PAX5: variants seen among roughly 807,000 people sequenced by gnomAD.
PAX5 encodes paired box 5, also known as paired box protein Pax-5.
In PAX5, 9 loss-of-function variants were observed where a neutral mutation model predicts 43.7. The observed-to-expected ratio is 0.21, with a 90% confidence interval of 0.12 to 0.36. The LOEUF is 0.36. PAX5 is among the 10% of genes least tolerant of loss of function. PAX5 has a pLI of 1.00. For missense variants in PAX5, 383 were observed against 532.7 expected (o/e 0.72, Z 2.77); for synonymous variants, 228 against 214.3 (o/e 1.06, Z -0.56).
rs2132424244 is a variant in PAX5, at chr9:37,006,512, G to A, written c.436C>T (p.Pro146Ser). Reference sequence around the variant, plus strand: ...GAAGCTGGGACTGGTTGGTTGGGTGGCTGCTGTACTTTTGTCCGGATGATC... The same window carrying A: ...GAAGCTGGGACTGGTTGGTTGGGTGACTGCTGTACTTTTGTCCGGATGATC... ...NRIIRTKVQQ[P>S]PNQPVPASSH... The change falls in exon 4 of 10, where the codon CCA (proline) becomes TCA (serine). Residue 146 changes from proline (P) to serine (S), a missense_variant. This residue lies in a region of PAX5 where 291 missense variants were observed against 342.5 expected (regional missense o/e 0.85). Transcript: ENST00000358127. The A allele has an allele frequency of 1.2e-6, 2 of 1,614,074 alleles. No individual in the cohort carries two copies. The highest frequency in any genetic ancestry group is 1.1e-5 in the South Asian group (1 of 91,078).
intron 1 of PAX5, among the ~76,000 whole-genome samples, chr9:37,029,949 C>A (rs1421679593): frequency 2.0e-5 from 3 of 152,200 alleles, no homozygotes; most frequent in Non-Finnish European, 2.9e-5. Flanking sequence ...CTCTCCAGAG[C>A]CGCTCTCGGG....
chr9:37,030,262 G>A (rs1421628691), intron 1 of PAX5, among the ~76,000 whole-genome samples: 2 of 152,186 alleles, frequency 1.3e-5, no homozygotes, highest in African/African-American at 4.8e-5. Flanking sequence ...CCGCCCGAGC[G>A]GGCGGCCTCT....
chr9:36,908,315 C>T (rs560434642), intron 7 of PAX5, among the ~76,000 whole-genome samples: 98 of 152,048 alleles, frequency 6.4e-4, no homozygotes, highest in Non-Finnish European at 1.3e-3. Context: ...CCCCATAAAA[C>T]CTTCCCCAGA....
chr9:36,962,797 G>A (rs559202220), intron 6 of PAX5, among the ~76,000 whole-genome samples: 4 of 152,284 alleles, frequency 2.6e-5, no homozygotes, highest in African/African-American at 9.6e-5. Context: ...CAGGGCACTA[G>A]GCCACAGAGA....
intron 6 of PAX5, among the ~76,000 whole-genome samples, chr9:36,962,762 C>T (rs1261118531): frequency 6.6e-6 from 1 of 152,194 alleles, no homozygotes; most frequent in East Asian, 1.9e-4. Context: ...AGCTGCTCAG[C>T]GAAAGTGACA....
At chr9:37,019,730 T>C (rs1356736838) in intron 2 of PAX5, among the ~76,000 whole-genome samples, 4 of 152,172 alleles carry the variant, frequency 2.6e-5, no homozygotes, top group Admixed American at 2.6e-4. Context: ...ACTGAACAGC[T>C]AAACCCAAGA....
intron 2 of PAX5, among the ~76,000 whole-genome samples, chr9:37,017,685 C>A (rs557663896): frequency 7.2e-5 from 11 of 152,362 alleles, no homozygotes; most frequent in East Asian, 5.8e-4. Context: ...AGGTCCCCCC[C>A]AGCCTGGCCC....
At chr9:36,876,627 CA>C (rs1192558207) in intron 8 of PAX5, among the ~76,000 whole-genome samples, 1 of 152,204 alleles carries the variant, frequency 6.6e-6, no homozygotes, top group Admixed American at 6.5e-5. Context: ...CCAATCAAGA[CA>C]CTATGAAATC....
At chr9:36,935,631 C>A (rs1055832322) in intron 6 of PAX5, among the ~76,000 whole-genome samples, 1 of 152,202 alleles carries the variant, frequency 6.6e-6, no homozygotes, top group African/African-American at 2.4e-5. Flanking sequence ...AATCAGAAGG[C>A]CCTTTTCTTC....
intron 8 of PAX5, among the ~76,000 whole-genome samples, chr9:36,858,009 C>T (rs1823842850): frequency 6.6e-6 from 1 of 152,250 alleles, no homozygotes; most frequent in Non-Finnish European, 1.5e-5. Flanking sequence ...CCTGGGTGTG[C>T]AGCCAGTCAG....
At chr9:36,895,576 A>T (rs1343684973) in intron 7 of PAX5, among the ~76,000 whole-genome samples, 2 of 152,202 alleles carry the variant, frequency 1.3e-5, no homozygotes, top group African/African-American at 4.8e-5. Context: ...AAAAGGATTC[A>T]AGACTCAATG....
At chr9:36,997,198 GGC>G (rs1837467767) in intron 5 of PAX5, among the ~76,000 whole-genome samples, 1 of 152,138 alleles carries the variant, frequency 6.6e-6, no homozygotes, top group African/African-American at 2.4e-5. Context: ...TCTGAACCCT[GGC>G]TGCCCTTCCT....
At chr9:36,859,590 C>A (rs1824000157) in intron 8 of PAX5, among the ~76,000 whole-genome samples, 1 of 152,208 alleles carries the variant, frequency 6.6e-6, no homozygotes, top group South Asian at 2.1e-4. Flanking sequence ...CCCCTCCTCC[C>A]TCCCCGGCTC....
intron 6 of PAX5, among the ~76,000 whole-genome samples, chr9:36,929,297 G>T (rs1462514530): frequency 6.7e-6 from 1 of 148,330 alleles, no homozygotes; most frequent in Non-Finnish European, 1.5e-5. Flanking sequence ...AAGGATGGAT[G>T]AGAGAGAGAG....
chr9:37,026,314 A>G, intron 1 of PAX5, among the ~76,000 whole-genome samples: 1 of 152,236 alleles, frequency 6.6e-6, no homozygotes, highest in East Asian at 1.9e-4. Flanking sequence ...TCGCTGCCCA[A>G]GCTACGCGTT....
At chr9:36,921,766 G>A (rs1334718420) in intron 7 of PAX5, among the ~76,000 whole-genome samples, 1 of 152,100 alleles carries the variant, frequency 6.6e-6, no homozygotes, top group Non-Finnish European at 1.5e-5. Flanking sequence ...GAGGAAAAAG[G>A]GCCCAGGATC....
intron 2 of PAX5, among the ~76,000 whole-genome samples, chr9:37,018,570 C>CAAAAAAAAAAAAAAAAAAAAAAAAAA (rs1222049885): frequency 1.4e-5 from 1 of 70,992 alleles, no homozygotes; most frequent in African/African-American, 4.3e-5. Flanking sequence ...CTTCAGTGAC[C>CAAAAAAAAAAAAAAAAAAAAAAAAAA]AAAAAAAAAA....
chr9:36,996,005 C>G (rs891328348), intron 5 of PAX5, among the ~76,000 whole-genome samples: 2 of 152,234 alleles, frequency 1.3e-5, no homozygotes, highest in Non-Finnish European at 2.9e-5. Context: ...ATTCTGCAGC[C>G]GACACCTGGG....
intron 8 of PAX5, among the ~76,000 whole-genome samples, chr9:36,861,997 T>C (rs1022505416): frequency 6.6e-6 from 1 of 152,032 alleles, no homozygotes; most frequent in African/African-American, 2.4e-5. Context: ...GCCACAAGAC[T>C]GGGAAGGGCC....
Sources: allele counts gnomAD v4.1 joint callset (sites outside exome capture counted in the v4.1 genomes callset), GRCh38; gene constraint gnomAD v4.1.1; regional missense constraint gnomAD v4.1.1; transcripts MANE v1.5; gene names NCBI Gene and HGNC (gene_info 2026-07-23, HGNC 2026-07-21).